TIAM2: variants seen among roughly 807,000 people sequenced by gnomAD.
The protein encoded by TIAM2 is rho guanine nucleotide exchange factor TIAM2.
A neutral mutation model predicts 152.9 loss-of-function variants in TIAM2; 80 were observed. The ratio of observed to expected loss-of-function variants is 0.52; its 90% CI spans 0.44 to 0.63. TIAM2 has a LOEUF of 0.63. Among genes scored for constraint, TIAM2 ranks in the 30% least tolerant of loss-of-function variants. The pLI is 0.00. For synonymous variants in TIAM2, 804 were observed against 838.0 expected, an observed-to-expected ratio of 0.96 and a Z score of 0.70; for missense variants, 1,965 against 2,120.1, an observed-to-expected ratio of 0.93 and a Z score of 1.44.
chr6:155,058,282 A>C (rs751297971), intron 1 of TIAM2, among the ~76,000 whole-genome samples: 30 of 152,194 alleles, frequency 2.0e-4, no homozygotes, highest in Non-Finnish European at 3.8e-4. Flanking sequence ...GTGAGTGTCA[A>C]GTGGCTCCAT....
chr6:155,019,781 A>G (rs1583153433), intron 1 of TIAM2, among the ~76,000 whole-genome samples: 1 of 152,304 alleles, frequency 6.6e-6, no homozygotes, highest in African/African-American at 2.4e-5. Context: ...GGGGCCGGGC[A>G]TGGTGGCTCA....
At chr6:155,179,299 A>G in intron 11 of TIAM2, 79 bp from the exon 12 acceptor site, 1 of 1,514,106 alleles carries the variant, frequency 6.6e-7, no homozygotes, top group Admixed American at 1.7e-5. Flanking sequence ...TTCTTGTTTT[A>G]TGAAAAATAG....
rs571830412 is a variant in TIAM2 at position 155,093,542 on chromosome 6, T to G, written c.-118+3163T>G. 2.0e-5 allele frequency among the ~76,000 whole-genome samples: 3 copies of G among 152,354 alleles called. No homozygotes were observed. In the South Asian group the frequency reaches 6.2e-4, roughly 32 times the overall value. On this transcript the variant is annotated intron_variant, in intron 2 of 26. Transcript: ENST00000682666. Reference sequence around the variant, plus strand: ...AGGGATGCTGTGTCTGATCTGCCCCTGCAGGAAGCACTAGGACCGGCAGGT... The same window carrying G: ...AGGGATGCTGTGTCTGATCTGCCCCGGCAGGAAGCACTAGGACCGGCAGGT...
chr6:155,172,661 TATATATATATATATATA>T (rs1780624894), intron 9 of TIAM2, among the ~76,000 whole-genome samples: 1 of 8,302 alleles, frequency 1.2e-4, no homozygotes, highest in African/African-American at 3.5e-4. Flanking sequence ...TATATATATA[TATATATATATATATATA>T]TATATATATT....
At chr6:155,247,895 TAGG>T in intron 19 of TIAM2, 102 bp from the exon 20 acceptor site, 8 of 1,384,614 alleles carry the variant, frequency 5.8e-6, no homozygotes, top group Non-Finnish European at 7.9e-6. Context: ...AGAATGGCAT[TAGG>T]AGGACTATAG....
intron 15 of TIAM2, among the ~76,000 whole-genome samples, chr6:155,224,093 C>T (rs1782156435): frequency 6.6e-6 from 1 of 152,168 alleles, no homozygotes. Flanking sequence ...AAATCGTCAC[C>T]TGGCTGCCTT....
At chr6:155,205,466 A>G (rs2115198280) in intron 14 of TIAM2, among the ~76,000 whole-genome samples, 1 of 152,202 alleles carries the variant, frequency 6.6e-6, no homozygotes, top group South Asian at 2.1e-4. Flanking sequence ...AAGGCAGGGG[A>G]ACTCTTCCCT....
intron 1 of TIAM2, among the ~76,000 whole-genome samples, chr6:154,999,590 G>A (rs145623363): frequency 1.2e-4 from 19 of 152,272 alleles, no homozygotes; most frequent in South Asian, 2.1e-4. Flanking sequence ...AAAAGCTCAG[G>A]ATTTGGAATC....
chr6:155,129,054 T>C lies in TIAM2; in HGVS notation c.-6-164T>C. ...CTAGCTAATGAGCAGCCTTGCAAAA[T>C]AAGGAGAGCCTGTTCTACTGACTGA... is the stretch of plus-strand genomic sequence containing the variant. On this transcript the variant is annotated intron_variant, in intron 3 of 26. Coordinates refer to ENST00000682666, the MANE Select transcript of TIAM2 (RefSeq NM_012454.4). The surrounding 1 kb of genome is among the most constrained non-coding windows in gnomAD (Gnocchi z 4.8). 1.3e-5 allele frequency: 8 copies of C among 630,140 alleles called. No homozygotes were observed. Among genetic ancestry groups the C allele is most frequent in the South Asian group, 1.2e-4 (6 of 48,684 alleles). 39.0% of individuals were successfully genotyped at this position (630,140 alleles called of 1,614,324 possible).
chr6:155,140,873 A>G (rs1354887329), intron 5 of TIAM2, among the ~76,000 whole-genome samples: 1 of 152,190 alleles, frequency 6.6e-6, no homozygotes, highest in Non-Finnish European at 1.5e-5. Context: ...GCACGTGGAA[A>G]GATGCTCCCT....
intron 14 of TIAM2, among the ~76,000 whole-genome samples, chr6:155,206,600 C>T (rs9397233): frequency 0.21 from 32,332 of 152,022 alleles, 3,887 homozygotes; most frequent in East Asian, 0.49. Flanking sequence ...GGCCGTGGCA[C>T]CTTGTACTTG....
chr6:155,254,010 G>A lies in TIAM2; in HGVS notation c.4263G>A (p.Thr1421=), dbSNP rs780783163. Residue 1421 remains threonine (T), a synonymous_variant, in exon 25 of 27, where the codon ACG becomes ACA. Coordinates refer to ENST00000682666, the MANE Select transcript of TIAM2 (RefSeq NM_012454.4). ...ATTCCATATGGGAACTGATCCATAC[G>A]AAGTCAGAAATAGAAGGACGGCCAG... ...ENNSIWELIH[T]KSEIEGRPET... is the part of the protein sequence containing the mutation. 3.9e-5 allele frequency: 63 copies of A among 1,613,972 alleles called. No homozygotes were observed. The highest frequency in any genetic ancestry group is 1.6e-4 in the Middle Eastern group (1 of 6,084).
chr6:155,026,873 C>T (rs1000184728), intron 1 of TIAM2, among the ~76,000 whole-genome samples: 3 of 152,070 alleles, frequency 2.0e-5, no homozygotes, highest in Middle Eastern at 3.2e-3. Flanking sequence ...CATGGTGAGA[C>T]GGTGTAACGG....
At chr6:155,169,415 G>A (rs1780523049) in intron 9 of TIAM2, among the ~76,000 whole-genome samples, 1 of 152,178 alleles carries the variant, frequency 6.6e-6, no homozygotes, top group African/African-American at 2.4e-5. Context: ...TGAATGCCAA[G>A]CATTTTGGAG....
chr6:155,251,096 T>G, intron 22 of TIAM2, 75 bp downstream of exon 22: 1 of 1,255,658 alleles, frequency 8.0e-7, no homozygotes, highest in Non-Finnish European at 1.2e-6. Flanking sequence ...GCCGCACCAG[T>G]CCAGCTCACT....
chr6:155,059,292 GTC>G (rs1491241903), intron 1 of TIAM2, among the ~76,000 whole-genome samples: 3,675 of 68,134 alleles, frequency 0.054, 117 homozygotes, highest in African/African-American at 0.13. Flanking sequence ...CTGTGTGTGT[GTC>G]TGTGTGTGTG....
chr6:155,178,975 T>C (rs969971795), intron 10 of TIAM2, 64 bp from the exon 11 acceptor site: 1 of 1,283,232 alleles, frequency 7.8e-7, no homozygotes, highest in Non-Finnish European at 1.1e-6. Context: ...TTAATAAGCC[T>C]GCTAACCAAT....
At chr6:155,164,714 C>T in intron 8 of TIAM2, 114 bp downstream of exon 8, 1 of 1,310,992 alleles carries the variant, frequency 7.6e-7, no homozygotes, top group Non-Finnish European at 1.0e-6. Context: ...CAACTGACAC[C>T]TAGAGGCCAG....
At chr6:155,065,015 G>A (rs1374293926) in intron 1 of TIAM2, among the ~76,000 whole-genome samples, 1 of 152,134 alleles carries the variant, frequency 6.6e-6, no homozygotes, top group African/African-American at 2.4e-5. Context: ...GAGTGCAGTG[G>A]TGCAATCTCA....
Sources: gnomAD v4.1 joint callset for allele counts (sites outside exome capture counted in the v4.1 genomes callset) on GRCh38, gnomAD v4.1.1 for gene constraint, Gnocchi (gnomAD v3.1) non-coding constraint, MANE v1.5 for transcripts, NCBI Gene and HGNC (gene_info 2026-07-23, HGNC 2026-07-21) for gene names.